Variants in CEP295 observed in about 807,000 individuals in gnomAD.
CEP295 encodes the protein centrosomal protein 295.
In CEP295, 190 loss-of-function variants were observed where a neutral mutation model predicts 291.6. That is an observed-to-expected ratio of 0.65 (90% CI 0.58 to 0.73). The LOEUF is 0.73. CEP295 is among the 30% of genes least tolerant of loss of function. The pLI is 0.00. For missense variants in CEP295, 2,863 were observed against 2,949.4 expected (o/e 0.97, Z 0.68); for synonymous variants, 993 against 1,038.8 (o/e 0.96, Z 0.85).
chr11:93,721,777 A>G (rs747652079), intron 19 of CEP295, 177 bp from the exon 20 acceptor site: 2 of 730,360 alleles, frequency 2.7e-6, no homozygotes, highest in Non-Finnish European at 5.0e-6. Context: ...ATGTATGTCT[A>G]TGAAAGCCTA....
chr11:93,663,765 A>G (rs1248428807), intron 1 of CEP295, among the ~76,000 whole-genome samples: 2 of 152,220 alleles, frequency 1.3e-5, no homozygotes, highest in Non-Finnish European at 2.9e-5. Flanking sequence ...ATAAATGTTT[A>G]TATGTTTTTC....
At chr11:93,674,499 G>A (rs937355779) in intron 5 of CEP295, among the ~76,000 whole-genome samples, 1 of 152,194 alleles carries the variant, frequency 6.6e-6, no homozygotes, top group Non-Finnish European at 1.5e-5. Context: ...AGGAGTTACA[G>A]TGCAGAGTAC....
At chr11:93,725,613 A>C (rs755535776) in intron 22 of CEP295, 38 bp from the exon 23 acceptor site, 85 of 1,474,188 alleles carry the variant, frequency 5.8e-5, no homozygotes, top group Non-Finnish European at 6.8e-5. Flanking sequence ...GTTAATACCT[A>C]ATCAGTATTT....
intron 2 of CEP295, 47 bp from the exon 3 acceptor site, chr11:93,667,560 T>A: frequency 7.1e-7 from 1 of 1,403,612 alleles, no homozygotes; most frequent in Non-Finnish European, 9.5e-7. Context: ...TCAAAAAAGT[T>A]TAAGTAAACC....
chr11:93,697,561 G>T lies in CEP295; in HGVS notation c.2649G>T (p.Thr883=), dbSNP rs754490966. 2.4e-5 allele frequency: 37 copies of T among 1,551,690 alleles called. 1 individual carries two copies. The Middle Eastern group carries it at 5.0e-4, about 21-fold the overall frequency. The change falls in exon 15 of 30, where the codon ACG becomes ACT. Residue 883 remains threonine, a synonymous_variant. Transcript: ENST00000325212. ...AACAGAAAGAAGTGGAACAGCAAACGGGCCTCTCGGTATTCCTTCCCTTGG... is the reference window on the plus strand; with the variant it reads ...AACAGAAAGAAGTGGAACAGCAAACTGGCCTCTCGGTATTCCTTCCCTTGG... ...LCKQKEVEQQ[T]GLSVFLPLVT...
chr11:93,701,553 C>T (rs761277538), intron 15 of CEP295, among the ~76,000 whole-genome samples: 2 of 152,028 alleles, frequency 1.3e-5, no homozygotes, highest in Non-Finnish European at 2.9e-5. Flanking sequence ...AATATAATCT[C>T]TTATGGAAAG....
At chr11:93,680,268 C>T (rs1188795574) in intron 7 of CEP295, among the ~76,000 whole-genome samples, 1 of 152,054 alleles carries the variant, frequency 6.6e-6, no homozygotes, top group Non-Finnish European at 1.5e-5. Flanking sequence ...GGCCACAGAG[C>T]GAGACCCTGT....
At position 93,696,930 on chromosome 11, in the gene CEP295, A is replaced by G; in HGVS notation, c.2018A>G (p.His673Arg). 1 of 1,552,080 alleles carries G rather than the reference A, an allele frequency of 6.4e-7. No homozygotes were observed. The highest frequency in any genetic ancestry group is 8.7e-7 in the Non-Finnish European group (1 of 1,147,090). ...CAGACCTCCAAATTAGAACAAGATC[A>G]TTTTCAGGTAGCGAGACAAAATCAC... is the stretch of plus-strand genomic sequence containing the variant. ...PIQTSKLEQD[H>R]FQVARQNHFP... is the part of the protein sequence containing the mutation. Residue 673 changes from histidine (H) to arginine (R), a missense_variant, in exon 15 of 30, where the codon CAT (histidine) becomes CGT (arginine). Transcript: ENST00000325212.
intron 18 of CEP295, among the ~76,000 whole-genome samples, chr11:93,719,099 CCGTCT>C (rs1953486502): frequency 2.4e-5 from 1 of 41,296 alleles, no homozygotes; most frequent in South Asian, 2.3e-3. Flanking sequence ...CAGTGAGACT[CCGTCT>C]CAAAAAAAAT....
chr11:93,729,552 C>T (rs1263442616), intron 26 of CEP295, 22 bp downstream of exon 26: 2 of 1,549,460 alleles, frequency 1.3e-6, no homozygotes, highest in South Asian at 1.2e-5. Context: ...ACGGCCTCCA[C>T]ACTTCTAATG....
At chr11:93,669,553 G>T in intron 4 of CEP295, 124 bp from the exon 5 acceptor site, 1 of 595,626 alleles carries the variant, frequency 1.7e-6, no homozygotes, top group Middle Eastern at 2.9e-4. Flanking sequence ...CACATGTAAA[G>T]CTTACTGAGC....
intron 24 of CEP295, 58 bp from the exon 25 acceptor site, chr11:93,728,623 T>C: frequency 7.0e-7 from 1 of 1,436,482 alleles, no homozygotes; most frequent in South Asian, 1.4e-5. Flanking sequence ...ACAAAACGAT[T>C]AGTTTAAGTC....
intron 18 of CEP295, among the ~76,000 whole-genome samples, chr11:93,710,993 T>C (rs1044552170): frequency 3.3e-5 from 5 of 152,148 alleles, no homozygotes; most frequent in African/African-American, 1.2e-4. Flanking sequence ...GGACCTTCTT[T>C]TTTTGTAATT....
rs1167245352 is a variant in CEP295, at chr11:93,702,907, A to G, written c.5584A>G (p.Thr1862Ala). The G allele has an allele frequency of 6.5e-7, 1 of 1,546,748 alleles. No individual in the cohort carries two copies. Among genetic ancestry groups the G allele is most frequent in the East Asian group, 2.4e-5 (1 of 40,910 alleles). The change falls in exon 17 of 30, where the codon ACT (threonine) becomes GCT (alanine). Residue 1862 changes from threonine to alanine, a missense_variant. Around this residue, in one of 3 missense-constraint regions of CEP295, gnomAD observed 2,295 missense variants for 2,335.7 expected, o/e 0.98. Coordinates refer to ENST00000325212, the MANE Select transcript of CEP295 (RefSeq NM_033395.2). ...QEVESPAIGR[T>A]SILGKPGIYE... ...AGTAGAGTCACCAGCAATTGGCAGA[A>G]CTTCTATACTAGGTAAATAGATGCT...
chr11:93,671,979 C>T (rs1163049796), intron 5 of CEP295, among the ~76,000 whole-genome samples: 2 of 152,100 alleles, frequency 1.3e-5, no homozygotes, highest in African/African-American at 4.8e-5. Flanking sequence ...ATTGATACTT[C>T]TTGTGTACCT....
At chr11:93,681,159 T>G (rs1950936485) in intron 7 of CEP295, among the ~76,000 whole-genome samples, 1 of 152,112 alleles carries the variant, frequency 6.6e-6, no homozygotes. Context: ...TCTGCCAGGA[T>G]TTATCTGTCT....
At chr11:93,710,801 G>GTCTAC (rs769202789) in intron 18 of CEP295, among the ~76,000 whole-genome samples, 18 of 152,130 alleles carry the variant, frequency 1.2e-4, no homozygotes, top group Admixed American at 2.6e-4. Context: ...CTTGTTATTG[G>GTCTAC]TCTACTCAGG....
intron 22 of CEP295, 63 bp downstream of exon 22, chr11:93,724,438 T>C (rs1953987158): frequency 6.8e-7 from 1 of 1,470,890 alleles, no homozygotes; most frequent in East Asian, 2.5e-5. Context: ...CCATTTCTTC[T>C]ACTGGAACAA....
rs117209795 is a variant in CEP295, at chr11:93,724,536, G to A, written c.6318+161G>A. Among the ~76,000 whole-genome samples, 488 of 152,286 alleles carry A rather than the reference G, an allele frequency of 3.2e-3. 11 individuals carry two copies. The East Asian group carries it at 0.053, about 17-fold the overall frequency. On this transcript the variant is annotated intron_variant, in intron 22 of 29. Transcript: ENST00000325212. ...AATCCCAGCACTTTGAGAGCCCAAG[G>A]CGGGCAGATTACTTGAGGCCAAGAG...
Sources: gnomAD v4.1 joint callset for allele counts (sites outside exome capture counted in the v4.1 genomes callset) on GRCh38, gnomAD v4.1.1 for gene constraint, gnomAD v4.1.1 regional missense constraint, MANE v1.5 for transcripts, NCBI Gene and HGNC (gene_info 2026-07-23, HGNC 2026-07-21) for gene names.